VPS13B: variants seen among roughly 807,000 people sequenced by gnomAD.
VPS13B encodes the protein vacuolar protein sorting 13 homolog B, also known as intermembrane lipid transfer protein VPS13B.
Under a neutral mutation model 426.4 loss-of-function variants are expected in VPS13B, and 285 were observed. The observed-to-expected ratio is 0.67, with a 90% CI of 0.61 to 0.74. The LOEUF (loss-of-function observed/expected upper bound fraction) is 0.74. Ranked by LOEUF, VPS13B falls within the 30% of genes least tolerant of loss-of-function variation. The pLI is 0.00. For synonymous variants in VPS13B, 1,676 were observed against 1,676.4 expected (o/e 1.00, Z 0.01); for missense variants, 4,537 against 4,782.6 (o/e 0.95, Z 1.51).
intron 19 of VPS13B, among the ~76,000 whole-genome samples, chr8:99,328,148 T>C (rs1164760878): frequency 6.6e-6 from 1 of 152,146 alleles, no homozygotes; most frequent in East Asian, 1.9e-4. Context: ...CAAACCCCAT[T>C]GTGAACTGTG....
At position 99,465,300 on chromosome 8, in the gene VPS13B, G is replaced by A. The variant is rs533819571; in HGVS notation, c.3446-2114G>A. ...ATTTTTCTCACAGTGGGAAATTGTG[G>A]AATTTTTGTCATTGCATGTTAAAAT... is the stretch of plus-strand genomic sequence containing the variant. On this transcript the variant is annotated intron_variant, in intron 23 of 61. Transcript: ENST00000357162. 3.3e-5 allele frequency among the ~76,000 whole-genome samples: 5 copies of A among 151,984 alleles called. No individual in the cohort carries two copies. The East Asian group carries it at 9.6e-4, about 29-fold the overall frequency.
At chr8:99,666,609 C>T (rs1830497030) in intron 35 of VPS13B, among the ~76,000 whole-genome samples, 1 of 152,090 alleles carries the variant, frequency 6.6e-6, no homozygotes. Context: ...AATTCAACAA[C>T]CCTTCATGCT....
intron 33 of VPS13B, among the ~76,000 whole-genome samples, chr8:99,591,056 C>A (rs987072718): frequency 6.6e-6 from 1 of 151,320 alleles, no homozygotes; most frequent in Non-Finnish European, 1.5e-5. Context: ...ATAGTTAGCT[C>A]TTCTTGTTGA....
chr8:99,657,608 C>T (rs1830070094), intron 34 of VPS13B, among the ~76,000 whole-genome samples: 1 of 151,924 alleles, frequency 6.6e-6, no homozygotes, highest in Non-Finnish European at 1.5e-5. Context: ...GAGAGTCACA[C>T]CATTCTCGTT....
intron 31 of VPS13B, 65 bp from the exon 32 acceptor site, chr8:99,575,593 A>G: frequency 6.2e-7 from 1 of 1,602,040 alleles, no homozygotes; most frequent in Non-Finnish European, 8.5e-7. Flanking sequence ...AGACTTGTAC[A>G]AATTTAATGA....
At chr8:99,473,228 C>A (rs916781004) in intron 24 of VPS13B, among the ~76,000 whole-genome samples, 2 of 151,942 alleles carry the variant, frequency 1.3e-5, no homozygotes, top group African/African-American at 4.8e-5. Context: ...ATTAATATCC[C>A]TCATGAAAAT....
intron 23 of VPS13B, among the ~76,000 whole-genome samples, chr8:99,446,541 A>T (rs1353356351): frequency 6.6e-6 from 1 of 150,996 alleles, no homozygotes; most frequent in Non-Finnish European, 1.5e-5. Context: ...GACTTTTTTG[A>T]TTTTTTACTG....
intron 3 of VPS13B, among the ~76,000 whole-genome samples, chr8:99,093,515 G>A (rs1435132103): frequency 6.7e-6 from 1 of 149,858 alleles, no homozygotes; most frequent in Non-Finnish European, 1.5e-5. Flanking sequence ...ATTTCCCAGT[G>A]CTATACCTCC....
chr8:99,824,053 C>G, intron 51 of VPS13B, 75 bp downstream of exon 51: 1 of 1,537,928 alleles, frequency 6.5e-7, no homozygotes. Context: ...TCTCTTTAAC[C>G]TATAGCAAAT....
intron 17 of VPS13B, among the ~76,000 whole-genome samples, chr8:99,270,273 G>A (rs1818518809): frequency 6.7e-6 from 1 of 150,318 alleles, no homozygotes. Context: ...TGATTAGCTG[G>A]AATTACAGGT....
intron 14 of VPS13B, among the ~76,000 whole-genome samples, chr8:99,151,575 C>A (rs907792739): frequency 6.6e-6 from 1 of 151,714 alleles, no homozygotes; most frequent in Non-Finnish European, 1.5e-5. Flanking sequence ...CTTTTGTTGC[C>A]CAGGCTGGAG....
chr8:99,410,277 A>G (rs544990349), intron 21 of VPS13B, among the ~76,000 whole-genome samples: 62 of 152,292 alleles, frequency 4.1e-4, no homozygotes, highest in African/African-American at 1.5e-3. Context: ...AAGACCCTGC[A>G]CAAGTAGGCC....
At chr8:99,667,451 T>A (rs1231858093) in intron 35 of VPS13B, among the ~76,000 whole-genome samples, 8 of 152,168 alleles carry the variant, frequency 5.3e-5, no homozygotes, top group Non-Finnish European at 7.4e-5. Context: ...AAATATAATA[T>A]CCAATGAATG....
At position 99,481,802 on chromosome 8, in the gene VPS13B, GGTAA is replaced by G. The variant is rs1306870291; in HGVS notation, c.3870+3_3870+6del. On this transcript the variant is annotated splice_donor_variant and splice_donor_region_variant and intron_variant, in intron 25 of 61. Transcript: ENST00000357162. LOFTEE classifies it high-confidence loss of function. ...CTGCTGACATTGGGACTACTACTGA[GGTAA>G]GTGTTTTTGAAAATCCTGTTACAAA... 1.2e-6 allele frequency: 2 copies of G among 1,613,434 alleles called. No individual in the cohort carries two copies. The highest frequency in any genetic ancestry group is 1.7e-6 in the Non-Finnish European group (2 of 1,179,710).
At chr8:99,096,944 T>TTTTAGGCCAGACTTTTAGGCCAGA (rs1846459557) in intron 4 of VPS13B, among the ~76,000 whole-genome samples, 1 of 152,128 alleles carries the variant, frequency 6.6e-6, no homozygotes, top group Non-Finnish European at 1.5e-5. Context: ...GACTCTGGTA[T>TTTTAGGCCAGACTTTTAGGCCAGA]CTTTTAGGCC....
intron 30 of VPS13B, among the ~76,000 whole-genome samples, chr8:99,539,325 A>G (rs142320997): frequency 0.017 from 2,590 of 152,322 alleles, 50 homozygotes; most frequent in Non-Finnish European, 0.023. Flanking sequence ...AAACATTAAT[A>G]TTTAATAAGA....
intron 33 of VPS13B, among the ~76,000 whole-genome samples, chr8:99,599,532 G>A (rs548655849): frequency 5.9e-5 from 9 of 152,136 alleles, no homozygotes; most frequent in South Asian, 2.1e-4. Flanking sequence ...TTAAGGGTCC[G>A]TGGTTTGCTT....
intron 15 of VPS13B, among the ~76,000 whole-genome samples, chr8:99,164,118 G>A (rs568472489): frequency 1.3e-5 from 2 of 152,168 alleles, no homozygotes; most frequent in Non-Finnish European, 2.9e-5. Flanking sequence ...CCAGTGGGTC[G>A]GTCCAGGGGT....
At chr8:99,757,066 T>C (rs186074059) in intron 39 of VPS13B, among the ~76,000 whole-genome samples, 421 of 152,314 alleles carry the variant, frequency 2.8e-3, no homozygotes, top group Middle Eastern at 0.027. Flanking sequence ...CAAAGGGTAG[T>C]TTCTTCTACC....
Sources: gnomAD v4.1 joint callset for allele counts (sites outside exome capture counted in the v4.1 genomes callset) on GRCh38, gnomAD v4.1.1 for gene constraint, MANE v1.5 for transcripts, NCBI Gene and HGNC (gene_info 2026-07-23, HGNC 2026-07-21) for gene names.